Variants in LPP observed in about 807,000 individuals in gnomAD.
LPP encodes the protein LIM domain containing preferred translocation partner in lipoma, also known as lipoma-preferred partner.
In LPP, 38 loss-of-function variants were observed where a neutral mutation model predicts 60.4. The ratio of observed to expected loss-of-function variants is 0.63; its 90% confidence interval spans 0.49 to 0.83. The LOEUF is 0.83. Ranked by LOEUF, LPP falls within the 40% of genes least tolerant of loss-of-function variation. The pLI is 0.00. For synonymous variants in LPP, 328 were observed against 290.8 expected, an observed-to-expected ratio of 1.13 and a Z score of -1.30; for missense variants, 902 against 783.6, an observed-to-expected ratio of 1.15 and a Z score of -1.80.
At chr3:188,585,063 T>C (rs4686980) in intron 6 of LPP, among the ~76,000 whole-genome samples, 94,312 of 152,006 alleles carry the variant, frequency 0.62, 29,532 homozygotes, top group South Asian at 0.7. Flanking sequence ...TTGGTGAAGT[T>C]TGATCTCTCA....
At chr3:188,425,335 G>A (rs984627040) in intron 4 of LPP, among the ~76,000 whole-genome samples, 1 of 152,130 alleles carries the variant, frequency 6.6e-6, no homozygotes, top group African/African-American at 2.4e-5. Context: ...TGTGCTGCAG[G>A]ATTCGGTTTT....
chr3:188,495,740 A>G (rs1167730853), intron 5 of LPP, among the ~76,000 whole-genome samples: 2 of 152,084 alleles, frequency 1.3e-5, no homozygotes, highest in East Asian at 1.9e-4. Flanking sequence ...CGAAAGCCCT[A>G]TTGGGCCCAC....
intron 2 of LPP, among the ~76,000 whole-genome samples, chr3:188,334,893 G>A (rs2150563486): frequency 6.6e-6 from 1 of 152,258 alleles, no homozygotes; most frequent in Middle Eastern, 3.4e-3. Flanking sequence ...ACTTGGGTTA[G>A]ATGATATCTC....
Position 188,482,739 on chromosome 3 carries a change from G to A in LPP, c.194-1853G>A, listed in dbSNP as rs145033989. ...GGATTTATAATTGTCATAAGGATAT[G>A]TACAAATTATTTCCACAGATTTGTG... On this transcript the variant is annotated intron_variant, in intron 4 of 11. Coordinates refer to ENST00000617246, the MANE Select transcript of LPP (RefSeq NM_001375462.1). Among the ~76,000 whole-genome samples the A allele has an allele frequency of 9.1e-3, 1,387 of 152,294 alleles. 19 individuals carry two copies. The highest frequency in any genetic ancestry group is 9.9e-3 in the Non-Finnish European group (674 of 68,032).
chr3:188,240,194 T>C (rs1723535687), intron 2 of LPP: 2 of 181,138 alleles, frequency 1.1e-5, no homozygotes, highest in East Asian at 9.1e-5. Context: ...TATCTGTGTG[T>C]TTCATTTTCC....
chr3:188,456,892 A>G (rs1045981809), intron 4 of LPP, among the ~76,000 whole-genome samples: 1 of 152,204 alleles, frequency 6.6e-6, no homozygotes, highest in Non-Finnish European at 1.5e-5. Context: ...GAGTCTTTTC[A>G]GGAAAGGGTA....
intron 9 of LPP, among the ~76,000 whole-genome samples, chr3:188,825,115 A>G (rs185274206): frequency 6.6e-6 from 1 of 152,296 alleles, no homozygotes; most frequent in Admixed American, 6.5e-5. Flanking sequence ...CTATAAAATC[A>G]TTTCCCAAAG....
chr3:188,309,512 C>T (rs777014423), intron 2 of LPP, among the ~76,000 whole-genome samples: 33 of 152,124 alleles, frequency 2.2e-4, no homozygotes, highest in Admixed American at 2.6e-4. Context: ...TTAAACGTTG[C>T]CCAAAACAAA....
rs1347802188 is a variant in LPP at position 188,880,055 on chromosome 3, G to A, written c.*5576G>A. 6.1e-6 allele frequency: 1 copy of A among 163,210 alleles called. No individual in the cohort carries two copies. The highest frequency in any genetic ancestry group is 1.3e-5 in the Non-Finnish European group (1 of 76,250). The allele number at this position is 163,210 out of a possible 1,614,324, so 10.1% of individuals were successfully genotyped here. ...TTTTCTTTTTTTTTTTTTTGAGACG[G>A]AGTCTGGCTCTGTCACCCAGGCTGG... On this transcript the variant is annotated 3_prime_UTR_variant, in exon 12 of 12. Transcript: ENST00000617246.
At chr3:188,317,299 G>A (rs1441378084) in intron 2 of LPP, among the ~76,000 whole-genome samples, 1 of 151,706 alleles carries the variant, frequency 6.6e-6, no homozygotes, top group Non-Finnish European at 1.5e-5. Context: ...ATAGATTAAA[G>A]GTTTGTCCTC....
intron 1 of LPP, among the ~76,000 whole-genome samples, chr3:188,173,941 C>T (rs1722341257): frequency 6.6e-6 from 1 of 152,172 alleles, no homozygotes. Context: ...CCTCATTTTT[C>T]CTTATCTGTA....
Position 188,876,639 on chromosome 3 carries a change from T to C in LPP, c.*2160T>C, listed in dbSNP as rs1239316585. On this transcript the variant is annotated 3_prime_UTR_variant, in exon 12 of 12. Coordinates refer to ENST00000617246, the MANE Select transcript of LPP (RefSeq NM_001375462.1). ...GGCTTGAATTTTGACTTAGTAACTT[T>C]TTATGTAATACTTTCGGAGAAATTC... 2 of 197,228 alleles carry C rather than the reference T, an allele frequency of 1.0e-5. No homozygotes were observed. The highest frequency in any genetic ancestry group is 1.6e-4 in the East Asian group (2 of 12,644). The allele number at this position is 197,228 out of a possible 1,614,324, so 12.2% of individuals were successfully genotyped here.
chr3:188,422,003 G>A (rs1463183449), intron 4 of LPP, among the ~76,000 whole-genome samples: 2 of 152,152 alleles, frequency 1.3e-5, no homozygotes, highest in African/African-American at 4.8e-5. Context: ...CTGTTGGCAG[G>A]GGAAGTGAGA....
intron 7 of LPP, among the ~76,000 whole-genome samples, chr3:188,629,703 A>G (rs1249282264): frequency 1.3e-5 from 2 of 152,158 alleles, no homozygotes; most frequent in Non-Finnish European, 2.9e-5. Flanking sequence ...TACCAATATT[A>G]TCTTTCACAG....
chr3:188,689,191 C>G (rs6770503), intron 7 of LPP, among the ~76,000 whole-genome samples: 42,687 of 152,018 alleles, frequency 0.28, 6,484 homozygotes, highest in Middle Eastern at 0.47. Context: ...TGGCACCCAG[C>G]TATGGTAGTT....
chr3:188,264,348 A>C (rs945842920), intron 2 of LPP, among the ~76,000 whole-genome samples: 2 of 151,754 alleles, frequency 1.3e-5, no homozygotes, highest in Non-Finnish European at 2.9e-5. Context: ...GCCACATCTG[A>C]GGGCAAATAA....
chr3:188,630,878 A>G (rs1481044343), intron 7 of LPP, among the ~76,000 whole-genome samples: 3 of 152,190 alleles, frequency 2.0e-5, no homozygotes, highest in Non-Finnish European at 4.4e-5. Flanking sequence ...TTGCAGGGAC[A>G]TGGATGGAGC....
At chr3:188,256,956 C>T (rs1731877277) in intron 2 of LPP, among the ~76,000 whole-genome samples, 1 of 152,136 alleles carries the variant, frequency 6.6e-6, no homozygotes, top group African/African-American at 2.4e-5. Flanking sequence ...TGGTCACCAT[C>T]CAGAAATTTC....
intron 4 of LPP, among the ~76,000 whole-genome samples, chr3:188,453,643 T>A (rs1797099434): frequency 6.6e-6 from 1 of 152,020 alleles, no homozygotes; most frequent in Non-Finnish European, 1.5e-5. Flanking sequence ...GCTTGAATGG[T>A]TCTCTCAGTC....
Sources: gnomAD v4.1 joint callset for allele counts (sites outside exome capture counted in the v4.1 genomes callset) on GRCh38, gnomAD v4.1.1 for gene constraint, MANE v1.5 for transcripts, NCBI Gene and HGNC (gene_info 2026-07-23, HGNC 2026-07-21) for gene names.